The following CRTC3 variants were observed in gnomAD, a reference collection of about 807,000 sequenced individuals.
CRTC3 encodes CREB-regulated transcription coactivator 3.
In CRTC3, 26 loss-of-function variants were observed where a neutral mutation model predicts 74.5. The ratio of observed to expected loss-of-function variants is 0.35; its 90% confidence interval spans 0.26 to 0.48. The LOEUF (loss-of-function observed/expected upper bound fraction) is 0.48. Ranked by LOEUF, CRTC3 falls within the 20% of genes least tolerant of loss-of-function variation. The probability of loss-of-function intolerance (pLI) is 0.99; values close to 1 mark genes in which losing one functional copy is unlikely to be tolerated. For missense variants in CRTC3, 760 were observed against 787.3 expected, an observed-to-expected ratio of 0.97 and a Z score of 0.41; for synonymous variants, 377 against 325.8, an observed-to-expected ratio of 1.16 and a Z score of -1.69.
At chr15:90,607,329 T>C (rs1391016039) in intron 5 of CRTC3, 49 bp from the exon 6 acceptor site, 1 of 1,111,026 alleles carries the variant, frequency 9.0e-7, no homozygotes, top group Admixed American at 2.0e-5. Context: ...TATTGCATTT[T>C]CACTAAGGAA....
chr15:90,609,182 T>A (rs1239554128), intron 6 of CRTC3, among the ~76,000 whole-genome samples: 1 of 152,254 alleles, frequency 6.6e-6, no homozygotes, highest in Admixed American at 6.5e-5. Context: ...GCTTAAATGA[T>A]TGTTTGCTTG....
At chr15:90,543,458 A>G (rs983749398) in intron 2 of CRTC3, among the ~76,000 whole-genome samples, 13 of 152,044 alleles carry the variant, frequency 8.6e-5, no homozygotes, top group Non-Finnish European at 1.8e-4. Context: ...CTCTCGGTAT[A>G]TGGTTTTATG....
At position 90,645,239 on chromosome 15, in the gene CRTC3, C is replaced by T. The variant is rs1969583091; in HGVS notation, c.*3099C>T. 4.4e-6 allele frequency: 1 copy of T among 227,134 alleles called. No homozygotes were observed. Among genetic ancestry groups the T allele is most frequent in the South Asian group, 1.8e-4 (1 of 5,488 alleles). The allele number at this position is 227,134 out of a possible 1,614,324, so 14.1% of individuals were successfully genotyped here. The stretch of plus-strand genomic sequence containing the variant: ...GTCCTAACCCCCAGGGCACCCTGTT[C>T]AACCATATTTAAAAATTGGAATTTG... On this transcript the variant is annotated 3_prime_UTR_variant, in exon 15 of 15. Transcript: ENST00000268184.
intron 5 of CRTC3, 120 bp downstream of exon 5, chr15:90,604,567 C>T (rs181732067): frequency 0.011 from 8,400 of 761,094 alleles, 70 homozygotes; most frequent in Non-Finnish European, 0.015. Context: ...ATGACATGTT[C>T]AAAACAAAAC....
chr15:90,588,830 C>T (rs1967730092), intron 2 of CRTC3, among the ~76,000 whole-genome samples: 3 of 152,216 alleles, frequency 2.0e-5, no homozygotes, highest in Non-Finnish European at 4.4e-5. Flanking sequence ...CATGCAGACA[C>T]TCATCCTCCT....
intron 2 of CRTC3, among the ~76,000 whole-genome samples, chr15:90,552,479 C>T (rs572053911): frequency 1.3e-5 from 2 of 152,320 alleles, no homozygotes; most frequent in Admixed American, 1.3e-4. Context: ...TATTCCTGAT[C>T]ACCCCTCATC....
At chr15:90,599,816 G>A (rs7163189) in intron 3 of CRTC3, among the ~76,000 whole-genome samples, 37,093 of 152,200 alleles carry the variant, frequency 0.24, 4,649 homozygotes, top group African/African-American at 0.32. Context: ...AGTACTATGA[G>A]ATCAGAGATA....
At chr15:90,543,134 GA>G (rs34961335) in intron 2 of CRTC3, among the ~76,000 whole-genome samples, 37 of 124,246 alleles carry the variant, frequency 3.0e-4, no homozygotes, top group Admixed American at 1.3e-3. Context: ...TGTCTCTACT[GA>G]AAAAAAAAAA....
At chr15:90,572,742 A>C (rs551992280) in intron 2 of CRTC3, among the ~76,000 whole-genome samples, 337 of 152,064 alleles carry the variant, frequency 2.2e-3, no homozygotes, top group African/African-American at 7.9e-3. Flanking sequence ...TACCCAGCTA[A>C]TTTTTGTATT....
chr15:90,542,415 G>T (rs1304524219), intron 2 of CRTC3, among the ~76,000 whole-genome samples: 1 of 151,982 alleles, frequency 6.6e-6, no homozygotes, highest in Non-Finnish European at 1.5e-5. Flanking sequence ...CTGACCTCAG[G>T]TGATCCGCCC....
chr15:90,607,601 C>A, intron 6 of CRTC3, 123 bp downstream of exon 6: 2 of 622,540 alleles, frequency 3.2e-6, no homozygotes, highest in South Asian at 2.0e-5. Context: ...AGAGGCAGCT[C>A]GTGGCAGGGA....
intron 2 of CRTC3, among the ~76,000 whole-genome samples, chr15:90,556,376 G>A (rs1966890848): frequency 6.6e-6 from 1 of 152,006 alleles, no homozygotes; most frequent in East Asian, 1.9e-4. Context: ...TTACTTTTTG[G>A]CAATGATATT....
At chr15:90,603,245 C>G (rs1284482711) in intron 4 of CRTC3, among the ~76,000 whole-genome samples, 2 of 150,388 alleles carry the variant, frequency 1.3e-5, no homozygotes, top group Admixed American at 1.3e-4. Context: ...AGATCGAGAC[C>G]ATCCTCGCTA....
At chr15:90,608,527 C>T (rs572677108) in intron 6 of CRTC3, among the ~76,000 whole-genome samples, 12 of 152,344 alleles carry the variant, frequency 7.9e-5, no homozygotes, top group African/African-American at 2.9e-4. Context: ...GTCTGTGGAG[C>T]CATCCTTGAC....
intron 14 of CRTC3, among the ~76,000 whole-genome samples, 153 bp from the exon 15 acceptor site, chr15:90,641,779 A>G (rs573920361): frequency 2.0e-4 from 31 of 152,288 alleles, no homozygotes; most frequent in African/African-American, 7.2e-4. Context: ...ACTGACAAGA[A>G]TGTAGATTCC....
At chr15:90,589,206 A>C (rs1967740351) in intron 2 of CRTC3, among the ~76,000 whole-genome samples, 1 of 151,784 alleles carries the variant, frequency 6.6e-6, no homozygotes, top group Non-Finnish European at 1.5e-5. Context: ...ACAGGCATGC[A>C]CCACCATGCC....
At chr15:90,638,138 A>C in intron 11 of CRTC3, 1 of 344,954 alleles carries the variant, frequency 2.9e-6, no homozygotes, top group South Asian at 4.7e-5. Context: ...ACCAGAAGAC[A>C]CGGCTATAAA....
chr15:90,638,592 G>A lies in CRTC3; in HGVS notation c.1413G>A (p.Gln471=), dbSNP rs768368447. ...GCGCCCCTGAGGCCCCTGCCCAGCA[G>A]CCCCAGGCAGCCTCCTCACTGCCAC... ...QPRAPEAPAQ[Q]PQAASSLPQS... is the part of the protein sequence containing the mutation. Residue 471 remains glutamine (Q), a synonymous_variant, in exon 12 of 15, where the codon CAG becomes CAA. Transcript: ENST00000268184. 3 of 1,612,982 alleles carry A rather than the reference G, an allele frequency of 1.9e-6. No individual in the cohort carries two copies. The highest frequency in any genetic ancestry group is 1.6e-4 in the Middle Eastern group (1 of 6,062).
intron 2 of CRTC3, among the ~76,000 whole-genome samples, chr15:90,574,897 T>C (rs182765692): frequency 6.6e-6 from 1 of 152,362 alleles, no homozygotes; most frequent in East Asian, 1.9e-4. Flanking sequence ...GTGGTTGATC[T>C]TTTTCTTACT....
Sources: gnomAD v4.1 joint callset for allele counts (sites outside exome capture counted in the v4.1 genomes callset) on GRCh38, gnomAD v4.1.1 for gene constraint, MANE v1.5 for transcripts, NCBI Gene and HGNC (gene_info 2026-07-23, HGNC 2026-07-21) for gene names.